RBFOX1: variants seen among roughly 807,000 people sequenced by gnomAD.
The protein encoded by RBFOX1 is RNA binding fox-1 homolog 1.
A neutral mutation model predicts 57.7 loss-of-function variants in RBFOX1; 8 were observed. That is an observed-to-expected ratio of 0.14 (90% CI 0.08 to 0.25). The LOEUF (loss-of-function observed/expected upper bound fraction) is 0.25. Among genes scored for constraint, RBFOX1 ranks in the 10% least tolerant of loss-of-function variants. The probability of loss-of-function intolerance (pLI) is 1.00; values close to 1 mark genes in which losing one functional copy is unlikely to be tolerated. For missense variants in RBFOX1, 611 were observed against 548.5 expected (o/e 1.11, Z -1.14); for synonymous variants, 326 against 222.4 (o/e 1.47, Z -4.15).
At chr16:5,951,372 CG>C (rs1175792452) in intron 4 of RBFOX1, among the ~76,000 whole-genome samples, 3 of 152,036 alleles carry the variant, frequency 2.0e-5, no homozygotes, top group Non-Finnish European at 4.4e-5. Context: ...TGCTTGAACC[CG>C]GGAGGCAGAG....
At chr16:7,550,999 C>T (rs917448228) in intron 5 of RBFOX1, among the ~76,000 whole-genome samples, 13 of 144,688 alleles carry the variant, frequency 9.0e-5, no homozygotes, top group Non-Finnish European at 1.6e-4. Flanking sequence ...GAGGCTGAGG[C>T]GGGAAAATCA....
chr16:5,533,156 AG>A (rs1047560310), intron 2 of RBFOX1, among the ~76,000 whole-genome samples: 6 of 152,138 alleles, frequency 3.9e-5, no homozygotes, highest in Admixed American at 2.0e-4. Flanking sequence ...ATCAAAGAAG[AG>A]GGTAAGAACG....
intron 4 of RBFOX1, among the ~76,000 whole-genome samples, chr16:7,184,608 A>T (rs950396381): frequency 1.3e-5 from 2 of 152,176 alleles, no homozygotes; most frequent in African/African-American, 2.4e-5. Context: ...ACAGTATGGC[A>T]AGTTGGAATT....
At chr16:7,251,435 A>C (rs990041325) in intron 4 of RBFOX1, among the ~76,000 whole-genome samples, 1 of 87,830 alleles carries the variant, frequency 1.1e-5, no homozygotes, top group South Asian at 3.9e-4. Flanking sequence ...TGGGGGATGG[A>C]GTTTTGTTCT....
chr16:5,959,053 C>A (rs1266887213), intron 4 of RBFOX1, among the ~76,000 whole-genome samples: 2 of 152,194 alleles, frequency 1.3e-5, no homozygotes, highest in African/African-American at 4.8e-5. Flanking sequence ...GCTGACCACA[C>A]CAGGTAAAAC....
intron 3 of RBFOX1, among the ~76,000 whole-genome samples, chr16:5,617,544 A>T (rs572195072): frequency 6.6e-6 from 1 of 152,312 alleles, no homozygotes; most frequent in African/African-American, 2.4e-5. Flanking sequence ...AAGTCCAGAA[A>T]TGCTAGCACA....
At chr16:5,259,852 A>G (rs529301956) in intron 1 of RBFOX1, among the ~76,000 whole-genome samples, 191 of 152,246 alleles carry the variant, frequency 1.3e-3, no homozygotes, top group Non-Finnish European at 2.0e-3. Context: ...GTTTAACACC[A>G]CGTGGGGGCC....
Position 7,607,285 on chromosome 16 carries a change from G to A in RBFOX1, c.623G>A (p.Gly208Asp). ...AATGTTTTTGTGTATTTGTTTTAAG[G>A]CTGGAAATTGAATCCAGTTGTGGGT... ...NKKTVNPYTN[G>D]WKLNPVVGAV... The change falls in exon 10 of 16, where the codon GGC becomes GAC. Residue 208 changes from glycine to aspartate, a missense_variant and splice_region_variant. By Grantham distance (94) the Gly-to-Asp change is moderately conservative (BLOSUM62 -1). Transcript: ENST00000550418. 1 of 1,608,302 alleles carries A rather than the reference G, an allele frequency of 6.2e-7. No individual in the cohort carries two copies. The highest frequency in any genetic ancestry group is 2.2e-5 in the East Asian group (1 of 44,730).
intron 4 of RBFOX1, among the ~76,000 whole-genome samples, chr16:7,336,990 A>G (rs906098837): frequency 1.3e-5 from 2 of 152,214 alleles, no homozygotes; most frequent in Non-Finnish European, 2.9e-5. Flanking sequence ...AGGGCTTTAC[A>G]TAATCAGCAT....
chr16:6,964,983 A>G (rs999995653), intron 3 of RBFOX1, among the ~76,000 whole-genome samples: 1 of 152,124 alleles, frequency 6.6e-6, no homozygotes, highest in Non-Finnish European at 1.5e-5. Flanking sequence ...GGCCTATCCT[A>G]CGTGCTTCAT....
chr16:7,492,161 G>C (rs1157374752), intron 4 of RBFOX1, among the ~76,000 whole-genome samples: 1 of 152,148 alleles, frequency 6.6e-6, no homozygotes, highest in African/African-American at 2.4e-5. Flanking sequence ...TCTGCCTTCT[G>C]CATTTGGAAT....
At chr16:7,621,029 A>G (rs955647884) in intron 10 of RBFOX1, among the ~76,000 whole-genome samples, 7 of 152,090 alleles carry the variant, frequency 4.6e-5, no homozygotes, top group African/African-American at 1.7e-4. Flanking sequence ...TGAGAAATGC[A>G]GAGTCTCAGG....
intron 4 of RBFOX1, among the ~76,000 whole-genome samples, chr16:7,355,190 A>T (rs1487243199): frequency 6.6e-6 from 1 of 152,076 alleles, no homozygotes; most frequent in African/African-American, 2.4e-5. Flanking sequence ...CTGGATTTGA[A>T]TCCCCATCAG....
chr16:7,269,159 C>G (rs538804070), intron 4 of RBFOX1, among the ~76,000 whole-genome samples: 2 of 151,242 alleles, frequency 1.3e-5, no homozygotes, highest in Admixed American at 1.3e-4. Context: ...ATTCTTAAAC[C>G]AATGAGCAGT....
intron 1 of RBFOX1, among the ~76,000 whole-genome samples, chr16:6,125,851 A>G (rs1005690561): frequency 5.9e-5 from 9 of 152,264 alleles, no homozygotes; most frequent in African/African-American, 2.2e-4. Flanking sequence ...AAACCTTCCT[A>G]CTGATACTGC....
At chr16:6,796,396 A>T (rs2084054590) in intron 3 of RBFOX1, among the ~76,000 whole-genome samples, 1 of 152,128 alleles carries the variant, frequency 6.6e-6, no homozygotes, top group African/African-American at 2.4e-5. Flanking sequence ...AAAACCAAGA[A>T]ATAGCAAACT....
At chr16:6,768,872 G>T (rs2077820854) in intron 3 of RBFOX1, among the ~76,000 whole-genome samples, 1 of 151,754 alleles carries the variant, frequency 6.6e-6, no homozygotes, top group Non-Finnish European at 1.5e-5. Context: ...GGGACTATAG[G>T]CACCCACCGT....
At chr16:6,943,435 G>C (rs540624810) in intron 3 of RBFOX1, among the ~76,000 whole-genome samples, 1 of 152,168 alleles carries the variant, frequency 6.6e-6, no homozygotes, top group Non-Finnish European at 1.5e-5. Flanking sequence ...TGGGCCGGGC[G>C]TGGTGGCTCA....
At chr16:6,902,581 G>A (rs900004196) in intron 3 of RBFOX1, among the ~76,000 whole-genome samples, 9 of 152,136 alleles carry the variant, frequency 5.9e-5, no homozygotes, top group African/African-American at 1.4e-4. Context: ...AATTGGCCAA[G>A]TATGGTGGCA....
Sources: gnomAD v4.1 joint callset for allele counts (sites outside exome capture counted in the v4.1 genomes callset) on GRCh38, gnomAD v4.1.1 for gene constraint, MANE v1.5 for transcripts, NCBI Gene and HGNC (gene_info 2026-07-23, HGNC 2026-07-21) for gene names.